Variants in CFAP54 observed in about 807,000 individuals in gnomAD.
CFAP54 encodes cilia and flagella associated protein 54.
CFAP54 carries 290 observed loss-of-function variants against 370.4 expected under a neutral mutation model. The ratio of observed to expected loss-of-function variants is 0.78; its 90% CI spans 0.71 to 0.86. The LOEUF (loss-of-function observed/expected upper bound fraction) is 0.86. Among genes scored for constraint, CFAP54 ranks in the 40% least tolerant of loss-of-function variants. CFAP54 has a pLI of 0.00. For synonymous variants in CFAP54, 1,206 were observed against 1,236.5 expected, an observed-to-expected ratio of 0.98 and a Z score of 0.52; for missense variants, 3,399 against 3,528.7, an observed-to-expected ratio of 0.96 and a Z score of 0.93.
chr12:96,610,290 T>G (rs951786458), intron 26 of CFAP54, among the ~76,000 whole-genome samples: 6 of 152,250 alleles, frequency 3.9e-5, no homozygotes, highest in Non-Finnish European at 7.3e-5. Flanking sequence ...AGCCAGAACC[T>G]TGTCTCATGC....
Position 96,691,225 on chromosome 12 carries a change from A to G in CFAP54, c.6179A>G (p.Asp2060Gly), listed in dbSNP as rs1280160848. ...CTCCCAGGCATTGAACTCTTCTCAG[A>G]TAGATACAGGGCTGACATTTGCTCT... ...QLLPGIELFSDRYRADICSVI... is the reference protein window; with the variant it reads ...QLLPGIELFSGRYRADICSVI... Residue 2060 changes from aspartate to glycine, a missense_variant, in exon 44 of 68, where the codon GAT (aspartate) becomes GGT (glycine). Physicochemically the swap from Asp to Gly is moderately conservative, Grantham distance 94. This residue lies in a region of CFAP54 where 2,796 missense variants were observed against 2,869.7 expected (regional missense o/e 0.97). Coordinates refer to ENST00000524981, the MANE Select transcript of CFAP54 (RefSeq NM_001306084.2). The G allele has an allele frequency of 1.9e-6, 3 of 1,613,516 alleles. No homozygotes were observed. Among genetic ancestry groups the G allele is most frequent in the Non-Finnish European group, 2.5e-6 (3 of 1,179,720 alleles).
At chr12:96,609,112 C>G (rs577828264) in intron 26 of CFAP54, among the ~76,000 whole-genome samples, 1 of 152,192 alleles carries the variant, frequency 6.6e-6, no homozygotes, top group Admixed American at 6.5e-5. Context: ...GGAGGAGAGG[C>G]AATTTTCATA....
intron 40 of CFAP54, 36 bp downstream of exon 40, chr12:96,679,788 T>C (rs1399534132): frequency 6.2e-7 from 1 of 1,601,516 alleles, no homozygotes; most frequent in Non-Finnish European, 8.5e-7. Flanking sequence ...AATCTTTCTT[T>C]ATGTGGGGTG....
chr12:96,661,559 G>A (rs1956994668), intron 38 of CFAP54, among the ~76,000 whole-genome samples: 1 of 152,194 alleles, frequency 6.6e-6, no homozygotes, highest in Non-Finnish European at 1.5e-5. Flanking sequence ...GGAAGATCCA[G>A]CCAGTAGAGG....
At chr12:96,681,881 G>A (rs775891800) in intron 40 of CFAP54, among the ~76,000 whole-genome samples, 15 of 152,174 alleles carry the variant, frequency 9.9e-5, no homozygotes, top group Non-Finnish European at 1.8e-4. Context: ...TTATAGGTGT[G>A]AGCCATTGTG....
intron 14 of CFAP54, among the ~76,000 whole-genome samples, chr12:96,546,839 A>T (rs74571179): frequency 1.3e-5 from 2 of 150,810 alleles, no homozygotes; most frequent in Non-Finnish European, 2.9e-5. Flanking sequence ...AAAAAAAAAA[A>T]CAACTCTATT....
At chr12:96,608,298 C>CAT (rs756721793) in intron 26 of CFAP54, among the ~76,000 whole-genome samples, 79 of 49,316 alleles carry the variant, frequency 1.6e-3, no homozygotes, top group Admixed American at 7.7e-3. Context: ...TTTATATATG[C>CAT]ATATATATAT....
Position 96,664,755 on chromosome 12 carries a change from CTATATATATCTATATCTA to C in CFAP54, c.5563+827_5563+844del, listed in dbSNP as rs1565934397. Reference sequence around the variant, plus strand: ...TATATATATCTATATATATATATATCTATATATATCTATATCTATATCTATATATATATATATATATAT... The same window carrying C: ...TATATATATCTATATATATATATATCTATCTATATATATATATATATATAT... On this transcript the variant is annotated intron_variant, in intron 39 of 67. Coordinates refer to ENST00000524981, the MANE Select transcript of CFAP54 (RefSeq NM_001306084.2). 3.4e-4 allele frequency among the ~76,000 whole-genome samples: 27 copies of C among 78,758 alleles called. 1 individual carries two copies. Among genetic ancestry groups the C allele is most frequent in the African/African-American group, 1.2e-3 (23 of 18,594 alleles). 51.7% of individuals were successfully genotyped at this position (78,758 alleles called of 152,430 possible).
chr12:96,794,893 C>T (rs1489016823), intron 63 of CFAP54, among the ~76,000 whole-genome samples: 1 of 152,152 alleles, frequency 6.6e-6, no homozygotes, highest in East Asian at 1.9e-4. Context: ...ATCTGGGACT[C>T]AGGGGCTTCT....
At chr12:96,615,609 T>C (rs76895246) in intron 26 of CFAP54, among the ~76,000 whole-genome samples, 1,360 of 146,488 alleles carry the variant, frequency 9.3e-3, no homozygotes, top group Middle Eastern at 0.015. Flanking sequence ...TTGCAATCTA[T>C]CCATCTGACA....
At chr12:96,733,542 GTTT>G (rs35984233) in intron 50 of CFAP54, among the ~76,000 whole-genome samples, 10,520 of 139,030 alleles carry the variant, frequency 0.076, 810 homozygotes, top group East Asian at 0.45. Context: ...AATCCTGTGG[GTTT>G]TTTTTTTTTT....
At chr12:96,832,222 G>A (rs1275621924) in intron 66 of CFAP54, among the ~76,000 whole-genome samples, 1 of 151,320 alleles carries the variant, frequency 6.6e-6, no homozygotes, top group African/African-American at 2.4e-5. Context: ...ATGATTGTGA[G>A]GCCTCTCAGC....
intron 65 of CFAP54, among the ~76,000 whole-genome samples, chr12:96,818,297 C>T (rs1958998185): frequency 6.6e-6 from 1 of 152,074 alleles, no homozygotes; most frequent in Non-Finnish European, 1.5e-5. Context: ...TATAGATAAG[C>T]ATATTTTTTC....
chr12:96,779,622 A>G (rs1235049567), intron 60 of CFAP54, among the ~76,000 whole-genome samples: 2 of 149,226 alleles, frequency 1.3e-5, no homozygotes, highest in East Asian at 1.9e-4. Flanking sequence ...ATGAAATCTT[A>G]TATGAATTAT....
intron 50 of CFAP54, 87 bp downstream of exon 50, chr12:96,720,652 GT>G: frequency 9.0e-7 from 1 of 1,114,572 alleles, no homozygotes; most frequent in Non-Finnish European, 1.2e-6. Context: ...TTTTATGTAA[GT>G]TTTAGAAATT....
rs543893628 is a variant in CFAP54, at chr12:96,663,866, A to G, written c.5497A>G (p.Ile1833Val). ...CRNFIGKQLK[I>V]NSSTIEATSN... ...AAATTTCATTGGGAAGCAGCTTAAGATTAATTCTTCAACCATTGAAGCAAC... is the reference window on the plus strand; with the variant it reads ...AAATTTCATTGGGAAGCAGCTTAAGGTTAATTCTTCAACCATTGAAGCAAC... The change falls in exon 39 of 68, where the codon ATT (isoleucine) becomes GTT (valine). Residue 1833 changes from isoleucine to valine, a missense_variant. Coordinates refer to ENST00000524981, the MANE Select transcript of CFAP54 (RefSeq NM_001306084.2). 2.2e-5 allele frequency: 36 copies of G among 1,613,420 alleles called. No individual in the cohort carries two copies. In the African/African-American group the frequency reaches 3.5e-4, roughly 16 times the overall value.
intron 17 of CFAP54, 69 bp downstream of exon 17, chr12:96,554,871 T>C: frequency 7.5e-7 from 1 of 1,329,132 alleles, no homozygotes; most frequent in South Asian, 2.1e-5. Flanking sequence ...AGAATCAATT[T>C]AATTTGAAAA....
intron 12 of CFAP54, among the ~76,000 whole-genome samples, chr12:96,536,371 C>T (rs776744418): frequency 7.2e-5 from 11 of 152,266 alleles, no homozygotes; most frequent in Admixed American, 4.6e-4. Context: ...ATGTAAACCA[C>T]GGTTATAGAG....
chr12:96,695,519 C>G (rs1465469306), intron 45 of CFAP54, among the ~76,000 whole-genome samples: 1 of 152,168 alleles, frequency 6.6e-6, no homozygotes, highest in Non-Finnish European at 1.5e-5. Context: ...TATGAGTTCT[C>G]TTGCTTTTGA....
Sources: gnomAD v4.1 joint callset for allele counts (sites outside exome capture counted in the v4.1 genomes callset) on GRCh38, gnomAD v4.1.1 for gene constraint, gnomAD v4.1.1 regional missense constraint, MANE v1.5 for transcripts, NCBI Gene and HGNC (gene_info 2026-07-23, HGNC 2026-07-21) for gene names.